SV2C: variants seen among roughly 807,000 people sequenced by gnomAD.
SV2C encodes the protein solute carrier family 22 member B3.
In SV2C, 49 loss-of-function variants were observed where a neutral mutation model predicts 79.7. The observed-to-expected ratio is 0.61, with a 90% CI of 0.49 to 0.78. The LOEUF (loss-of-function observed/expected upper bound fraction) is 0.78. SV2C is among the 30% of genes least tolerant of loss of function. The pLI is 0.00. For synonymous variants in SV2C, 334 were observed against 333.2 expected (o/e 1.00, Z -0.03); for missense variants, 833 against 912.9 (o/e 0.91, Z 1.13).
At chr5:75,949,022 G>GGATCCCTCATGGGTTGGTGCT in the SV2C span, among the ~76,000 whole-genome samples, 1 of 151,832 alleles carries the variant, frequency 6.6e-6, no homozygotes, top group South Asian at 2.1e-4. Context: ...TCATGGGGGT[G>GGATCCCTCATGGGTTGGTGCT]GATCCCTCAT....
the SV2C span, among the ~76,000 whole-genome samples, chr5:76,048,043 ATTAG>A: frequency 6.6e-6 from 1 of 152,184 alleles, no homozygotes; most frequent in African/African-American, 2.4e-5. Context: ...GCACATATTA[ATTAG>A]TAAGATTTTG....
At chr5:76,275,005 C>T (rs1001151553) in intron 4 of SV2C, among the ~76,000 whole-genome samples, 6 of 152,066 alleles carry the variant, frequency 3.9e-5, no homozygotes, top group African/African-American at 1.4e-4. Flanking sequence ...TTTAGTTGGC[C>T]AGGTGCCTTG....
At chr5:76,104,845 T>C (rs1002053426) in intron 1 of SV2C, among the ~76,000 whole-genome samples, 1 of 152,164 alleles carries the variant, frequency 6.6e-6, no homozygotes, top group Admixed American at 6.5e-5. Context: ...TTTGTCTACA[T>C]GCGGTTGTTG....
chr5:75,889,709 T>C, the SV2C span, among the ~76,000 whole-genome samples: 1 of 152,076 alleles, frequency 6.6e-6, no homozygotes, highest in Non-Finnish European at 1.5e-5. Context: ...GAGGGCTCAA[T>C]TCACCTCATA....
chr5:75,879,744 C>G, the SV2C span, among the ~76,000 whole-genome samples: 3 of 152,224 alleles, frequency 2.0e-5, no homozygotes, highest in African/African-American at 7.2e-5. Context: ...CATAGCTCCA[C>G]TAGGCAATGC....
chr5:76,044,738 G>A, the SV2C span, among the ~76,000 whole-genome samples: 13 of 152,160 alleles, frequency 8.5e-5, no homozygotes, highest in East Asian at 2.5e-3. Flanking sequence ...CATGTCCTTT[G>A]CCCCCTTTTT....
chr5:76,041,656 C>T, the SV2C span, among the ~76,000 whole-genome samples: 111 of 152,166 alleles, frequency 7.3e-4, no homozygotes, highest in Admixed American at 3.8e-3. Context: ...CAGCCAGAGG[C>T]GGGTCATAGG....
the SV2C span, among the ~76,000 whole-genome samples, chr5:76,026,406 AG>A: frequency 6.6e-6 from 1 of 152,136 alleles, no homozygotes; most frequent in African/African-American, 2.4e-5. Flanking sequence ...AAGATCTATT[AG>A]GGGGAGATTA....
At chr5:75,857,205 C>T in the SV2C span, among the ~76,000 whole-genome samples, 1 of 152,106 alleles carries the variant, frequency 6.6e-6, no homozygotes, top group Non-Finnish European at 1.5e-5. Flanking sequence ...GATCCGCCTG[C>T]CTCGGCCTCC....
the SV2C span, among the ~76,000 whole-genome samples, chr5:76,037,557 CG>C: frequency 6.6e-6 from 1 of 152,108 alleles, no homozygotes; most frequent in South Asian, 2.1e-4. Flanking sequence ...TTAGGCTGCT[CG>C]GGGGTCAGGG....
chr5:75,897,293 C>T, the SV2C span, among the ~76,000 whole-genome samples: 2 of 151,824 alleles, frequency 1.3e-5, no homozygotes, highest in Non-Finnish European at 2.9e-5. Flanking sequence ...TATGGCTAGC[C>T]TGTTTTCCCA....
the SV2C span, among the ~76,000 whole-genome samples, chr5:75,849,936 C>A: frequency 6.6e-6 from 1 of 151,824 alleles, no homozygotes; most frequent in Non-Finnish European, 1.5e-5. Context: ...CCTTTAAAAT[C>A]TCATGTTTAT....
chr5:76,216,963 T>C (rs1744921593), intron 4 of SV2C, among the ~76,000 whole-genome samples: 1 of 152,228 alleles, frequency 6.6e-6, no homozygotes, highest in South Asian at 2.1e-4. Flanking sequence ...TTTAAATTCA[T>C]GTGCGCATCA....
the SV2C span, among the ~76,000 whole-genome samples, chr5:75,890,445 G>A: frequency 6.6e-6 from 1 of 152,070 alleles, no homozygotes; most frequent in Non-Finnish European, 1.5e-5. Context: ...AGCCTTCAAA[G>A]GTGGTGCTTA....
the SV2C span, among the ~76,000 whole-genome samples, chr5:75,987,442 C>A: frequency 7.9e-5 from 12 of 151,834 alleles, no homozygotes; most frequent in African/African-American, 2.4e-4. Context: ...ACTATGAGGC[C>A]AAATACCAAA....
the SV2C span, among the ~76,000 whole-genome samples, chr5:76,032,288 T>C: frequency 6.6e-6 from 1 of 152,124 alleles, no homozygotes; most frequent in Non-Finnish European, 1.5e-5. Flanking sequence ...TTAGGGTACA[T>C]GTGCACAATG....
At chr5:75,950,510 G>A in the SV2C span, among the ~76,000 whole-genome samples, 1 of 151,958 alleles carries the variant, frequency 6.6e-6, no homozygotes, top group Middle Eastern at 3.2e-3. Flanking sequence ...CCTTTTTGAA[G>A]TTTTTCCTTG....
the SV2C span, among the ~76,000 whole-genome samples, chr5:75,949,166 G>A: frequency 3.9e-5 from 6 of 152,070 alleles, no homozygotes; most frequent in Non-Finnish European, 7.4e-5. Context: ...TTTCTGCCAT[G>A]AGTAAAAGCT....
chr5:75,984,569 A>C, the SV2C span, among the ~76,000 whole-genome samples: 485 of 65,922 alleles, frequency 7.4e-3, 4 homozygotes, highest in African/African-American at 0.018. Context: ...ATCTATCTAT[A>C]TCTATCTATC....
Sources: gnomAD v4.1 joint callset for allele counts (sites outside exome capture counted in the v4.1 genomes callset) on GRCh38, gnomAD v4.1.1 for gene constraint, MANE v1.5 for transcripts, NCBI Gene and HGNC (gene_info 2026-07-23, HGNC 2026-07-21) for gene names.